The following ZNF232 variants were observed in gnomAD, a reference collection of about 807,000 sequenced individuals.
ZNF232 encodes the protein zinc finger and SCAN domain-containing protein 11.
A neutral mutation model predicts 25.2 loss-of-function variants in ZNF232; 25 were observed. That is an observed-to-expected ratio of 0.99 (90% CI 0.72 to 1.39). ZNF232 has a LOEUF of 1.39. Ranked by LOEUF, ZNF232 falls within the 40% of genes most tolerant of loss-of-function variation. The pLI, the probability that ZNF232 is intolerant of heterozygous loss-of-function variation, is 0.00. For missense variants in ZNF232, 519 were observed against 520.9 expected, an observed-to-expected ratio of 1.00 and a Z score of 0.04; for synonymous variants, 193 against 182.9, an observed-to-expected ratio of 1.06 and a Z score of -0.45.
At chr17:5,113,547 C>T (rs1432062901), upstream of ZNF232, 1 of 152,242 alleles carries the variant, frequency 6.6e-6, no homozygotes, top group Non-Finnish European at 1.5e-5. Flanking sequence ...ACAATGGGTC[C>T]TATGACTTAC....
intron 3 of ZNF232, among the ~76,000 whole-genome samples, chr17:5,107,394 G>GAAAAAAAAAAAAAAAAAAAAAAAAAAAAA (rs749338515): frequency 1.6e-5 from 1 of 60,680 alleles, no homozygotes; most frequent in African/African-American, 6.2e-5. Flanking sequence ...TCTCAAAAAG[G>GAAAAAAAAAAAAAAAAAAAAAAAAAAAAA]AAAAAAAAAA....
intron 1 of ZNF232, chr17:5,111,465 C>G: frequency 2.3e-6 from 1 of 437,054 alleles, no homozygotes; most frequent in Non-Finnish European, 4.1e-6. Context: ...GCGCCGCTGG[C>G]CCCAGCAAAA....
chr17:5,110,976 C>T lies in ZNF232; in HGVS notation c.23+824G>A, dbSNP rs186407970. The T allele has an allele frequency of 1.0e-3, 155 of 152,308 alleles. 1 individual carries two copies. Among genetic ancestry groups the T allele is most frequent in the African/African-American group, 3.4e-3 (142 of 41,552 alleles). The allele number at this position is 152,308 out of a possible 1,614,324, so 9.4% of individuals were successfully genotyped here. On this transcript the variant is annotated intron_variant, in intron 1 of 3. Coordinates refer to ENST00000575898, the Ensembl canonical transcript of ZNF232. Reference sequence around the variant, plus strand: ...CATTCTTGTGAGGATTTGATTAGAGCTCACTGAATCCACATGTTGCACGTG... The same window carrying T: ...CATTCTTGTGAGGATTTGATTAGAGTTCACTGAATCCACATGTTGCACGTG...
intron 1 of ZNF232, among the ~76,000 whole-genome samples, chr17:5,118,896 T>C (rs1375671005): frequency 2.0e-5 from 3 of 152,136 alleles, no homozygotes; most frequent in African/African-American, 2.4e-5. Context: ...GGGGCAGCCA[T>C]AGGTATTTTT....
At chr17:5,106,322 G>A in exon 4 of ZNF232, 1 of 1,614,146 alleles carries the variant, frequency 6.2e-7, no homozygotes, top group Non-Finnish European at 8.5e-7. Flanking sequence ...CCTGGGCAGG[G>A]GACCACCTCA....
At chr17:5,109,474 G>T (rs139310289) in exon 2 of ZNF232, 1 of 1,613,912 alleles carries the variant, frequency 6.2e-7, no homozygotes, top group African/African-American at 1.3e-5. Context: ...TGATGTCCCC[G>T]CACCCAGGAT....
At position 5,120,604 on chromosome 17, in the gene ZNF232, C is replaced by A. The variant is rs368834778; in HGVS notation, c.-530+2373G>T. 2.0e-4 allele frequency: 72 copies of A among 367,196 alleles called. No homozygotes were observed. The East Asian group carries it at 4.8e-3, about 24-fold the overall frequency. The allele number at this position is 367,196 out of a possible 1,614,324, so 22.7% of individuals were successfully genotyped here. A position where few individuals can be genotyped will look rare whatever the true frequency, so the allele number is the denominator to read the frequency against. On this transcript the variant is annotated intron_variant, in intron 1 of 4. Coordinates refer to the ZNF232 transcript ENST00000250076. ...TTTCCCCAGGATGGCCTTGGGTGAG[C>A]TCCTGCTGTCCTCTCTGCCCAGGAA...
rs766965810 is a variant in ZNF232, at chr17:5,106,417, T to C, written c.715A>G (p.Lys239Glu). The C allele has an allele frequency of 3.1e-6, 5 of 1,614,086 alleles. No homozygotes were observed. In the South Asian group the frequency reaches 5.5e-5, roughly 18 times the overall value. Residue 239 changes from lysine to glutamate, a missense_variant, in exon 4 of 4, where the codon AAA (lysine) becomes GAA (glutamate). By Grantham distance (56) the Lys-to-Glu change is moderately conservative. Coordinates refer to ENST00000575898, the Ensembl canonical transcript of ZNF232. ...AATGTAGAGGTGTCAGTAGCAAGTT[T>C]TTCTGAGAACACCTGTGATTCCACT...
upstream of ZNF232, chr17:5,116,537 G>A (rs915305760): frequency 1.3e-5 from 2 of 152,328 alleles, no homozygotes; most frequent in Admixed American, 1.3e-4. Context: ...TCAGCCTAGT[G>A]GGGCGGGCGA....
upstream of ZNF232, chr17:5,116,522 A>G (rs1228628864): frequency 6.6e-6 from 1 of 152,292 alleles, no homozygotes; most frequent in Non-Finnish European, 1.5e-5. Flanking sequence ...CTGTCCGGGA[A>G]GAGCTCAGCC....
At chr17:5,115,712 C>A (rs997737705), upstream of ZNF232, among the ~76,000 whole-genome samples, 1 of 152,194 alleles carries the variant, frequency 6.6e-6, no homozygotes, top group Non-Finnish European at 1.5e-5. Context: ...TCAGAAGGCC[C>A]CATGAATAAC....
chr17:5,105,746 T>C, exon 4 of ZNF232: 1 of 1,362,140 alleles, frequency 7.3e-7, no homozygotes. Flanking sequence ...TTAAGGAACT[T>C]ATAACTTTTA....
chr17:5,116,567 T>TA (rs1168994442), upstream of ZNF232: 1 of 152,254 alleles, frequency 6.6e-6, no homozygotes, highest in Non-Finnish European at 1.5e-5. Context: ...GTTGCTGCCT[T>TA]ACGATGGCCG....
chr17:5,118,410 C>T (rs1214994637), intron 1 of ZNF232: 2 of 152,348 alleles, frequency 1.3e-5, no homozygotes, highest in Non-Finnish European at 2.9e-5. Context: ...GCTGGCTGCT[C>T]TGGGCAGCTG....
intron 3 of ZNF232, among the ~76,000 whole-genome samples, chr17:5,107,189 C>T (rs2072280182): frequency 6.6e-6 from 1 of 151,758 alleles, no homozygotes; most frequent in African/African-American, 2.4e-5. Flanking sequence ...GAGATCGAGA[C>T]CATCCTGGCC....
At chr17:5,106,799 G>C in intron 3 of ZNF232, among the ~76,000 whole-genome samples, 1 of 151,968 alleles carries the variant, frequency 6.6e-6, no homozygotes, top group Non-Finnish European at 1.5e-5. Flanking sequence ...TACAATGCAT[G>C]GTCTTTTTAG....
At chr17:5,106,495 C>T in exon 4 of ZNF232, 1 of 1,612,706 alleles carries the variant, frequency 6.2e-7, no homozygotes, top group Non-Finnish European at 8.5e-7. Context: ...TCTGGGCCAT[C>T]TTCTGTAACA....
rs765644608 is a variant in ZNF232, at chr17:5,109,806, G to A, written c.86C>T (p.Ala29Val). 9 of 1,614,004 alleles carry A rather than the reference G, an allele frequency of 5.6e-6. No homozygotes were observed. The African/African-American group carries it at 9.3e-5, about 17-fold the overall frequency. The stretch of plus-strand genomic sequence containing the variant: ...AGTTTCAGCTGCTGTTAGTGATACA[G>A]CCATCCTAGTCTGCACTAGCTCTGC... The change falls in exon 2 of 4, where the codon GCT (alanine) becomes GTT (valine). Residue 29 changes from alanine to valine, a missense_variant. Ala to Val is a moderately conservative substitution (Grantham distance 64, BLOSUM62 0). Coordinates refer to ENST00000575898, the Ensembl canonical transcript of ZNF232.
chr17:5,109,468 G>A (rs1338058380), exon 2 of ZNF232: 1 of 1,614,146 alleles, frequency 6.2e-7, no homozygotes. Flanking sequence ...TTAGGGTGAT[G>A]TCCCCGCACC....
Sources: gnomAD v4.1 joint callset for allele counts (sites outside exome capture counted in the v4.1 genomes callset) on GRCh38, gnomAD v4.1.1 for gene constraint, MANE v1.5 for transcripts, NCBI Gene and HGNC (gene_info 2026-07-23, HGNC 2026-07-21) for gene names.